The following SHANK2 variants were observed in gnomAD, a reference collection of about 807,000 sequenced individuals.
The protein encoded by SHANK2 is SH3 and multiple ankyrin repeat domains 2.
Under a neutral mutation model 133.7 loss-of-function variants are expected in SHANK2, and 43 were observed. The ratio of observed to expected loss-of-function variants is 0.32; its 90% CI spans 0.25 to 0.41. SHANK2 has a LOEUF of 0.41. Among genes scored for constraint, SHANK2 ranks in the 10% least tolerant of loss-of-function variants. SHANK2 has a pLI of 1.00. For missense variants in SHANK2, 1,994 were observed against 2,235.8 expected (o/e 0.89, Z 2.18); for synonymous variants, 1,017 against 952.8 (o/e 1.07, Z -1.24).
chr11:70,532,440 G>A (rs373514298), intron 17 of SHANK2, among the ~76,000 whole-genome samples: 3 of 152,266 alleles, frequency 2.0e-5, no homozygotes, highest in African/African-American at 7.2e-5. Context: ...GGCTCACAGA[G>A]GTGGCCCATC....
At chr11:70,480,526 T>C (rs545397704) in intron 25 of SHANK2, among the ~76,000 whole-genome samples, 8 of 152,208 alleles carry the variant, frequency 5.3e-5, no homozygotes, top group Non-Finnish European at 1.2e-4. Flanking sequence ...TGTCACAGTT[T>C]GGGTTTGTCT....
chr11:71,068,265 C>A (rs1226927454), intron 9 of SHANK2, among the ~76,000 whole-genome samples: 2 of 152,208 alleles, frequency 1.3e-5, no homozygotes, highest in Admixed American at 1.3e-4. Context: ...GACACTCCTG[C>A]TGTTTAGAGC....
At position 70,535,752 on chromosome 11, in the gene SHANK2, G is replaced by C. The variant is rs1283637449; in HGVS notation, c.2062-32821C>G. 6.6e-6 allele frequency among the ~76,000 whole-genome samples: 1 copy of C among 152,264 alleles called. No individual in the cohort carries two copies. The highest frequency in any genetic ancestry group is 1.9e-4 in the East Asian group (1 of 5,198). ...TGCAGCAGGGCCACCCAGCAGCACT[G>C]TGGGAAGTCCCTGTGCTCCACGGGG... On this transcript the variant is annotated intron_variant, in intron 17 of 25. Transcript: ENST00000601538. The surrounding 1 kb of genome is among the most constrained non-coding windows in gnomAD (Gnocchi z 4.3).
At chr11:70,835,150 C>T (rs899230087) in intron 11 of SHANK2, among the ~76,000 whole-genome samples, 7 of 152,190 alleles carry the variant, frequency 4.6e-5, no homozygotes, top group Admixed American at 4.6e-4. Context: ...AGGCTCCCTG[C>T]AGAGCCACAG....
intron 25 of SHANK2, among the ~76,000 whole-genome samples, chr11:70,481,367 T>C (rs2058731297): frequency 6.6e-6 from 1 of 152,228 alleles, no homozygotes; most frequent in Non-Finnish European, 1.5e-5. Flanking sequence ...AAATCAAACA[T>C]ACCCAAGGAA....
intron 17 of SHANK2, among the ~76,000 whole-genome samples, chr11:70,532,244 A>G (rs2059483018): frequency 2.0e-5 from 3 of 152,014 alleles, no homozygotes; most frequent in Admixed American, 6.6e-5. Context: ...GTGCAAGATA[A>G]ATGTGTTTCC....
chr11:71,189,717 A>G (rs957605992), intron 2 of SHANK2, among the ~76,000 whole-genome samples: 1 of 152,234 alleles, frequency 6.6e-6, no homozygotes, highest in Admixed American at 6.5e-5. Context: ...CCATGAGCCC[A>G]CCAACACTCA....
intron 10 of SHANK2, chr11:70,943,206 G>C: frequency 2.4e-6 from 1 of 408,466 alleles, no homozygotes; most frequent in Non-Finnish European, 4.9e-6. Context: ...TGTTCAAAGG[G>C]GTCTGTCTGT....
At chr11:70,913,491 G>A (rs951387011) in intron 10 of SHANK2, among the ~76,000 whole-genome samples, 24 of 152,190 alleles carry the variant, frequency 1.6e-4, no homozygotes, top group Admixed American at 1.1e-3. Context: ...TAACTGGCAG[G>A]TAAAAGTTCA....
chr11:70,599,893 G>GAAAGAAAAAGAA (rs1565166148), intron 17 of SHANK2, among the ~76,000 whole-genome samples: 5 of 92,534 alleles, frequency 5.4e-5, no homozygotes, highest in Non-Finnish European at 1.0e-4. Flanking sequence ...GAAAGAAAAA[G>GAAAGAAAAAGAA]AAAGAAAGAA....
chr11:71,059,398 G>A (rs1950961071), intron 9 of SHANK2, among the ~76,000 whole-genome samples: 1 of 152,136 alleles, frequency 6.6e-6, no homozygotes, highest in African/African-American at 2.4e-5. Context: ...CGGTGGTGAT[G>A]GTTGATGGTG....
intron 2 of SHANK2, among the ~76,000 whole-genome samples, chr11:71,150,350 G>GGGAGGGAGGGAGAGGGAGGGACAA (rs1363496922): frequency 4.7e-5 from 5 of 105,530 alleles, no homozygotes; most frequent in African/African-American, 7.5e-5. Context: ...GGGACAGGGA[G>GGGAGGGAGGGAGAGGGAGGGACAA]GGAGGGAGGG....
intron 2 of SHANK2, among the ~76,000 whole-genome samples, chr11:71,213,918 G>A (rs1954342453): frequency 6.6e-6 from 1 of 152,096 alleles, no homozygotes; most frequent in Non-Finnish European, 1.5e-5. Context: ...GGCTTCCTTG[G>A]GCCATTTACC....
Position 70,807,099 on chromosome 11 carries a change from G to C in SHANK2, c.1566C>G (p.Leu522=), listed in dbSNP as rs1256820548. The stretch of plus-strand genomic sequence containing the variant: ...AGAGCCTCCCGGGCACGGCACTGTA[G>C]AGCTTCCGCTTGGGCCCCGGGTACT... ...AFEYPGPKRK[L]YSAVPGRLFV... Residue 522 remains leucine (L), a synonymous_variant, in exon 13 of 26, where the codon CTC becomes CTG. Coordinates refer to ENST00000601538, the MANE Select transcript of SHANK2 (RefSeq NM_012309.5). The surrounding 1 kb of genome is among the most constrained non-coding windows in gnomAD (Gnocchi z 4.8). 1 of 718,024 alleles carries C rather than the reference G, an allele frequency of 1.4e-6. No individual in the cohort carries two copies. The highest frequency in any genetic ancestry group is 2.6e-6 in the Non-Finnish European group (1 of 385,020). The allele number at this position is 718,024 out of a possible 1,614,324, so 44.5% of individuals were successfully genotyped here. A position where few individuals can be genotyped will look rare whatever the true frequency, so the allele number is the denominator to read the frequency against.
At chr11:70,646,656 A>G (rs2061265168) in intron 17 of SHANK2, among the ~76,000 whole-genome samples, 1 of 152,148 alleles carries the variant, frequency 6.6e-6, no homozygotes, top group African/African-American at 2.4e-5. Context: ...AGTTGCTCAA[A>G]ATAACTTGGT....
intron 17 of SHANK2, among the ~76,000 whole-genome samples, chr11:70,622,780 C>T (rs781874498): frequency 1.3e-5 from 2 of 152,082 alleles, no homozygotes; most frequent in Non-Finnish European, 2.9e-5. Context: ...CCTACTGTCT[C>T]CAATCCAGTC....
chr11:71,126,369 AAG>A (rs1323193137), intron 3 of SHANK2, among the ~76,000 whole-genome samples: 1 of 152,186 alleles, frequency 6.6e-6, no homozygotes, highest in Non-Finnish European at 1.5e-5. Context: ...TGCTCAGAAA[AAG>A]AGATTCTTTT....
intron 6 of SHANK2, among the ~76,000 whole-genome samples, chr11:71,108,673 C>G (rs1555098423): frequency 6.6e-6 from 1 of 152,212 alleles, no homozygotes; most frequent in Non-Finnish European, 1.5e-5. Context: ...CGGCGCAGGG[C>G]CTGGGGCTGC....
At chr11:70,538,249 G>A (rs782542727) in intron 17 of SHANK2, among the ~76,000 whole-genome samples, 6 of 152,192 alleles carry the variant, frequency 3.9e-5, no homozygotes, top group Non-Finnish European at 7.3e-5. Context: ...CGGAGTCCCC[G>A]GGCGCTGACC....
Sources: allele counts gnomAD v4.1 joint callset (sites outside exome capture counted in the v4.1 genomes callset), GRCh38; gene constraint gnomAD v4.1.1; non-coding constraint Gnocchi (gnomAD v3.1); transcripts MANE v1.5; gene names NCBI Gene and HGNC (gene_info 2026-07-23, HGNC 2026-07-21).